Variants in OPN3 observed in about 807,000 individuals in gnomAD.
The protein encoded by OPN3 is opsin 3.
In OPN3, 29 loss-of-function variants were observed where a neutral mutation model predicts 33.8. That is an observed-to-expected ratio of 0.86 (90% CI 0.64 to 1.17). The LOEUF is 1.17. Among genes scored for constraint, OPN3 ranks in the 50% most tolerant of loss-of-function variants. OPN3 has a pLI of 0.00. For missense variants in OPN3, 437 were observed against 514.1 expected, an observed-to-expected ratio of 0.85 and a Z score of 1.45; for synonymous variants, 216 against 216.1, an observed-to-expected ratio of 1.00 and a Z score of 0.00.
intron 1 of OPN3, among the ~76,000 whole-genome samples, chr1:241,626,315 T>C (rs748956246): frequency 2.5e-4 from 38 of 152,204 alleles, no homozygotes; most frequent in Non-Finnish European, 2.6e-4. Context: ...GGGGTACCTG[T>C]GAAATGTAAG....
chr1:241,635,966 A>T (rs1664882813), intron 1 of OPN3: 2 of 571,350 alleles, frequency 3.5e-6, no homozygotes, highest in Non-Finnish European at 6.2e-6. Context: ...AAGTACATCT[A>T]ATCACATCTG....
intron 2 of OPN3, among the ~76,000 whole-genome samples, chr1:241,603,608 G>A (rs1663737810): frequency 6.6e-6 from 1 of 152,308 alleles, no homozygotes; most frequent in South Asian, 2.1e-4. Context: ...TTAAAGTGAT[G>A]CATGTAGCTA....
At chr1:241,639,175 T>G (rs1268542846) in intron 1 of OPN3, 1 of 152,240 alleles carries the variant, frequency 6.6e-6, no homozygotes, top group Non-Finnish European at 1.5e-5. Flanking sequence ...ATTACAGTAT[T>G]TGTTCACCTG....
chr1:241,621,727 G>C (rs1175490306), intron 1 of OPN3, among the ~76,000 whole-genome samples: 3 of 152,098 alleles, frequency 2.0e-5, no homozygotes, highest in Non-Finnish European at 4.4e-5. Context: ...GGCTCATGAA[G>C]GGAGGATCCA....
chr1:241,614,895 G>A (rs146230026), intron 1 of OPN3, among the ~76,000 whole-genome samples: 87 of 152,278 alleles, frequency 5.7e-4, no homozygotes, highest in African/African-American at 1.1e-3. Context: ...AGCTTTAGGC[G>A]TTTGTTTCCC....
At chr1:241,625,454 C>T (rs538267872) in intron 1 of OPN3, among the ~76,000 whole-genome samples, 1 of 152,298 alleles carries the variant, frequency 6.6e-6, no homozygotes, top group Non-Finnish European at 1.5e-5. Flanking sequence ...AAGATTACCT[C>T]TCATTTCTAT....
intron 1 of OPN3, chr1:241,629,320 C>T (rs1193507488): frequency 1.3e-5 from 2 of 152,080 alleles, no homozygotes; most frequent in East Asian, 3.8e-4. Context: ...TCTTAAAAGG[C>T]TACTAATACA....
intron 1 of OPN3, chr1:241,630,041 A>C (rs1477793984): frequency 6.6e-6 from 1 of 152,100 alleles, no homozygotes; most frequent in Admixed American, 6.5e-5. Flanking sequence ...TAAATTTCAT[A>C]CTAATGTCAC....
chr1:241,626,384 A>G (rs148255503), intron 1 of OPN3, among the ~76,000 whole-genome samples: 1 of 152,016 alleles, frequency 6.6e-6, no homozygotes, highest in African/African-American at 2.4e-5. Flanking sequence ...GGAGATTACA[A>G]TCTCCTGACA....
rs936982663 is a variant in OPN3, at chr1:241,635,900, G to A, written c.373+3982C>T. The stretch of plus-strand genomic sequence containing the variant: ...AAGTTGCAGGTCCTAGCTGTTTAAC[G>A]GTTACCCTTTTAAAATATTTTTTTT... On this transcript the variant is annotated intron_variant, in intron 1 of 3. Coordinates refer to ENST00000366554, the MANE Select transcript of OPN3 (RefSeq NM_014322.3). 2.6e-5 allele frequency: 21 copies of A among 823,450 alleles called. No homozygotes were observed. The African/African-American group carries it at 2.6e-4, about 10-fold the overall frequency. 51.0% of individuals were successfully genotyped at this position (823,450 alleles called of 1,614,324 possible). A position where few individuals can be genotyped will look rare whatever the true frequency, so the allele number is the denominator to read the frequency against.
chr1:241,636,214 C>T (rs916923768), intron 1 of OPN3: 25 of 394,572 alleles, frequency 6.3e-5, no homozygotes, highest in Non-Finnish European at 8.9e-5. Context: ...AATGCTTTCT[C>T]ACATATTTTC....
intron 1 of OPN3, among the ~76,000 whole-genome samples, chr1:241,609,328 T>C (rs1663923274): frequency 6.6e-6 from 1 of 152,186 alleles, no homozygotes; most frequent in African/African-American, 2.4e-5. Context: ...AATTGATGTC[T>C]CCACCAACAG....
At chr1:241,630,338 G>A (rs1664581302) in intron 1 of OPN3, 1 of 151,894 alleles carries the variant, frequency 6.6e-6, no homozygotes, top group African/African-American at 2.4e-5. Flanking sequence ...CTTCTATTTA[G>A]GCATCTTTCT....
chr1:241,627,499 C>G (rs1384274849), intron 1 of OPN3, among the ~76,000 whole-genome samples: 5 of 152,208 alleles, frequency 3.3e-5, no homozygotes, highest in African/African-American at 1.2e-4. Context: ...CCTGCCCTTT[C>G]TTACCTTACA....
intron 2 of OPN3, among the ~76,000 whole-genome samples, chr1:241,598,697 T>A (rs909844759): frequency 1.3e-5 from 2 of 152,224 alleles, no homozygotes; most frequent in Non-Finnish European, 2.9e-5. Flanking sequence ...GCCTGAAAGT[T>A]CTTTGAGTTT....
At chr1:241,596,322 T>C (rs1474465450) in intron 3 of OPN3, among the ~76,000 whole-genome samples, 4 of 152,174 alleles carry the variant, frequency 2.6e-5, no homozygotes, top group African/African-American at 9.7e-5. Flanking sequence ...AAAATTGTTA[T>C]AAACAATTTC....
intron 1 of OPN3, chr1:241,634,350 G>A (rs1664782838): frequency 2.5e-6 from 4 of 1,613,872 alleles, no homozygotes; most frequent in Admixed American, 1.7e-5. Flanking sequence ...ATGGAAGTCT[G>A]CTGATCTAAA....
rs1320164461 is a variant in OPN3 at position 241,594,658 on chromosome 1, G to A, written c.979C>T (p.Arg327Ter). 6 of 1,613,866 alleles carry A rather than the reference G, an allele frequency of 3.7e-6. No individual in the cohort carries two copies. Among genetic ancestry groups the A allele is most frequent in the East Asian group, 2.2e-5 (1 of 44,880 alleles). ...GCAGGCCTCTGGCACCTCAGCAGTCGGAGGCACAGAAGCTGCAAAAGGGAT... is the reference window on the plus strand; with the variant it reads ...GCAGGCCTCTGGCACCTCAGCAGTCAGAGGCACAGAAGCTGCAAAAGGGAT... ...RRSLLQLLCL[R>*]LLRCQRPAKD... Residue 327 changes from arginine (R) to a stop codon, truncating the protein, a stop_gained, in exon 4 of 4, where the codon CGA (arginine) becomes TGA (stop). Coordinates refer to ENST00000366554, the MANE Select transcript of OPN3 (RefSeq NM_014322.3). LOFTEE classifies it high-confidence loss of function.
chr1:241,594,524 G>C lies in OPN3; in HGVS notation c.1113C>G (p.Ile371Met). The change falls in exon 4 of 4, where the codon ATC becomes ATG. Residue 371 changes from isoleucine (I) to methionine (M), a missense_variant. Ile to Met is a conservative substitution (Grantham distance 10, BLOSUM62 1). Transcript: ENST00000366554. Reference protein sequence around the residue: ...KKKVTFNSSSIIFIITSDESL... With the variant: ...KKKVTFNSSSMIFIITSDESL... ...ATTCATCACTGGTGATGATAAAAAT[G>C]ATGGAAGAAGAGTTGAAAGTCACTT... The C allele has an allele frequency of 6.2e-7, 1 of 1,614,114 alleles. No homozygotes were observed. The highest frequency in any genetic ancestry group is 1.1e-5 in the South Asian group (1 of 91,080).
Sources: allele counts gnomAD v4.1 joint callset (sites outside exome capture counted in the v4.1 genomes callset), GRCh38; gene constraint gnomAD v4.1.1; transcripts MANE v1.5; gene names NCBI Gene and HGNC (gene_info 2026-07-23, HGNC 2026-07-21).